Variants in SLC9B1 observed in about 807,000 individuals in gnomAD.
SLC9B1 encodes the protein sodium/hydrogen exchanger 9B1.
SLC9B1 carries 32 observed loss-of-function variants against 51.7 expected under a neutral mutation model. That is an observed-to-expected ratio of 0.62 (90% CI 0.47 to 0.83). The LOEUF (loss-of-function observed/expected upper bound fraction) is 0.83, where lower values mean the gene tolerates loss of function less well. SLC9B1 is among the 40% of genes least tolerant of loss of function. The probability of loss-of-function intolerance (pLI) is 0.00; values close to 1 mark genes in which losing one functional copy is unlikely to be tolerated. For synonymous variants in SLC9B1, 145 were observed against 212.7 expected (o/e 0.68, Z 2.77); for missense variants, 406 against 613.2 (o/e 0.66, Z 3.57).
chr4:102,958,334 T>C (rs944271571), intron 3 of SLC9B1, among the ~76,000 whole-genome samples: 19 of 152,220 alleles, frequency 1.2e-4, no homozygotes, highest in African/African-American at 4.6e-4. Flanking sequence ...CCTTCTGCCA[T>C]GATTGTAAGC....
chr4:102,975,440 C>T (rs371040992), intron 3 of SLC9B1, among the ~76,000 whole-genome samples: 1 of 151,660 alleles, frequency 6.6e-6, no homozygotes, highest in Non-Finnish European at 1.5e-5. Context: ...ACATGATGAA[C>T]ACACTGCTAC....
At chr4:102,951,747 A>G (rs560103160) in intron 3 of SLC9B1, among the ~76,000 whole-genome samples, 1 of 152,058 alleles carries the variant, frequency 6.6e-6, no homozygotes, top group Non-Finnish European at 1.5e-5. Context: ...AAAGATCTAA[A>G]ACACAACTAA....
chr4:102,963,007 G>A, intron 3 of SLC9B1: 3 of 458,970 alleles, frequency 6.5e-6, no homozygotes, highest in East Asian at 6.9e-5. Context: ...TCCCATTGAT[G>A]TGCATGGTCC....
At chr4:102,979,973 C>A (rs1188497981) in intron 3 of SLC9B1, among the ~76,000 whole-genome samples, 1 of 152,068 alleles carries the variant, frequency 6.6e-6, no homozygotes, top group African/African-American at 2.4e-5. Flanking sequence ...GACATTTATG[C>A]AGCCAGCAAA....
downstream of SLC9B1, among the ~76,000 whole-genome samples, chr4:102,899,700 C>T (rs1473587086): frequency 6.6e-6 from 1 of 152,190 alleles, no homozygotes; most frequent in Non-Finnish European, 1.5e-5. Flanking sequence ...GCATGAGCCA[C>T]AACACCCTGC....
At chr4:102,944,879 C>T (rs1295476175) in intron 6 of SLC9B1, among the ~76,000 whole-genome samples, 3 of 151,926 alleles carry the variant, frequency 2.0e-5, no homozygotes, top group Admixed American at 1.3e-4. Context: ...TGCAACTGTA[C>T]TTACATACAG....
intron 3 of SLC9B1, among the ~76,000 whole-genome samples, chr4:102,968,754 G>A (rs1738569640): frequency 6.6e-6 from 1 of 152,220 alleles, no homozygotes; most frequent in African/African-American, 2.4e-5. Flanking sequence ...GCAGCACAAG[G>A]GGTCGGGGGA....
chr4:103,016,169 A>AT (rs1202769344), intron 1 of SLC9B1, among the ~76,000 whole-genome samples: 1 of 147,658 alleles, frequency 6.8e-6, no homozygotes, highest in Non-Finnish European at 1.5e-5. Flanking sequence ...GTATATGTTT[A>AT]TATGTTCATG....
chr4:102,929,923 T>A (rs1240027903), intron 7 of SLC9B1, among the ~76,000 whole-genome samples: 1 of 151,956 alleles, frequency 6.6e-6, no homozygotes, highest in African/African-American at 2.4e-5. Flanking sequence ...AATAAAAAAC[T>A]TTAACTTCTG....
chr4:102,946,873 C>T, intron 4 of SLC9B1, 84 bp from the exon 5 acceptor site: 1 of 1,269,262 alleles, frequency 7.9e-7, no homozygotes, highest in Admixed American at 2.8e-5. Flanking sequence ...TTCTAATGCA[C>T]TATGTCTCTC....
chr4:102,935,808 T>C (rs1487456389), intron 6 of SLC9B1, among the ~76,000 whole-genome samples: 1 of 152,246 alleles, frequency 6.6e-6, no homozygotes, highest in Admixed American at 6.5e-5. Context: ...ACGAAGATGC[T>C]GCCACTCTGT....
At chr4:102,956,515 T>C (rs569160032) in intron 3 of SLC9B1, among the ~76,000 whole-genome samples, 76 of 152,308 alleles carry the variant, frequency 5.0e-4, no homozygotes, top group Admixed American at 6.5e-4. Flanking sequence ...CCACAGATTA[T>C]TTGGCAGACA....
At chr4:102,975,625 T>C (rs550215751) in intron 3 of SLC9B1, among the ~76,000 whole-genome samples, 14 of 120,750 alleles carry the variant, frequency 1.2e-4, no homozygotes, top group Admixed American at 5.4e-4. Context: ...TGGAGTGCAG[T>C]GGTGCAATAT....
chr4:102,944,696 A>G (rs1006601667), intron 6 of SLC9B1, among the ~76,000 whole-genome samples: 3 of 152,272 alleles, frequency 2.0e-5, no homozygotes, highest in Admixed American at 2.0e-4. Flanking sequence ...TGAGGAATTC[A>G]AACATAAGAC....
intron 3 of SLC9B1, chr4:102,961,879 G>C: frequency 4.6e-6 from 1 of 218,366 alleles, no homozygotes; most frequent in South Asian, 7.5e-5. Context: ...TGGTGTATGG[G>C]GTGAGTGGGT....
At chr4:102,933,889 G>A (rs1263385980) in intron 6 of SLC9B1, among the ~76,000 whole-genome samples, 1 of 152,166 alleles carries the variant, frequency 6.6e-6, no homozygotes, top group Admixed American at 6.5e-5. Context: ...TCACAAGTGT[G>A]AACTAAAAAG....
chr4:102,924,962 G>A (rs531129735), intron 7 of SLC9B1, among the ~76,000 whole-genome samples: 24 of 152,174 alleles, frequency 1.6e-4, no homozygotes, highest in Non-Finnish European at 3.2e-4. Context: ...TGGTGGGAGT[G>A]TAAACTAGTT....
At chr4:102,888,790 A>C (rs2110406112) in intron 11 of SLC9B1, 1 of 152,292 alleles carries the variant, frequency 6.6e-6, no homozygotes, top group Middle Eastern at 3.4e-3. Flanking sequence ...TCTGTAGGGA[A>C]TCCTTTCTGT....
At chr4:102,963,161 CA>C in intron 3 of SLC9B1, 1 of 360,642 alleles carries the variant, frequency 2.8e-6, no homozygotes, top group East Asian at 7.3e-5. Context: ...CCTAAGTTTG[CA>C]GAGGTTCAGG....
Sources: allele counts gnomAD v4.1 joint callset (sites outside exome capture counted in the v4.1 genomes callset), GRCh38; gene constraint gnomAD v4.1.1; transcripts MANE v1.5; gene names NCBI Gene and HGNC (gene_info 2026-07-23, HGNC 2026-07-21).